The following TMC4 variants were observed in gnomAD, a reference collection of about 807,000 sequenced individuals.
The protein encoded by TMC4 is voltage-gated chloride channel TMC4.
TMC4 carries 70 observed loss-of-function variants against 82.0 expected under a neutral mutation model. The ratio of observed to expected loss-of-function variants is 0.85; its 90% CI spans 0.70 to 1.04. The LOEUF is 1.04. TMC4 is among the 50% of genes least tolerant of loss of function. The pLI, the probability that TMC4 is intolerant of heterozygous loss-of-function variation, is 0.00. For synonymous variants in TMC4, 446 were observed against 406.0 expected, an observed-to-expected ratio of 1.10 and a Z score of -1.18; for missense variants, 879 against 899.0, an observed-to-expected ratio of 0.98 and a Z score of 0.28.
Position 54,160,474 on chromosome 19 carries a change from C to G in TMC4, c.2045G>C (p.Arg682Thr). Residue 682 changes from arginine to threonine, a missense_variant, in exon 14 of 15, where the codon AGA (arginine) becomes ACA (threonine). Arg to Thr is a moderately conservative substitution (Grantham distance 71). Coordinates refer to ENST00000619895, the MANE Select transcript of TMC4 (RefSeq NM_144686.4). ...GRLISELKRQ[R>T]ETEAQNKVFL... ...GGGACCCGCCTGGCTCACCGTCTCTCTCTGACGTTTGAGCTCAGAGATGAG... is the reference window on the plus strand; with the variant it reads ...GGGACCCGCCTGGCTCACCGTCTCTGTCTGACGTTTGAGCTCAGAGATGAG... The G allele has an allele frequency of 6.2e-7, 1 of 1,614,128 alleles. No homozygotes were observed. Among genetic ancestry groups the G allele is most frequent in the Non-Finnish European group, 8.5e-7 (1 of 1,179,962 alleles).
At position 54,172,168 on chromosome 19, in the gene TMC4, C is replaced by A. The variant is rs376201390; in HGVS notation, c.80-85G>T. The stretch of plus-strand genomic sequence containing the variant: ...CAGACCAGGAAACCAGGTCCCCGGC[C>A]CCTCCTCCCTCAGACCCAGGAGTCC... On this transcript the variant is annotated intron_variant, in intron 1 of 14. Transcript: ENST00000619895. 585 of 1,306,740 alleles carry A rather than the reference C, an allele frequency of 4.5e-4. 5 individuals carry two copies. The African/African-American group carries it at 8.2e-3, about 18-fold the overall frequency. The allele number at this position is 1,306,740 out of a possible 1,614,324, so 80.9% of individuals were successfully genotyped here. A position where few individuals can be genotyped will look rare whatever the true frequency, so the allele number is the denominator to read the frequency against.
chr19:54,170,192 G>A (rs1379886283), intron 2 of TMC4, among the ~76,000 whole-genome samples: 2 of 152,082 alleles, frequency 1.3e-5, no homozygotes, highest in Non-Finnish European at 2.9e-5. Flanking sequence ...TTTGCACAAC[G>A]TTGCAGAGCA....
chr19:54,163,374 G>A lies in TMC4; in HGVS notation c.1278-215C>T, dbSNP rs2075618905. 1.9e-5 allele frequency: 13 copies of A among 671,088 alleles called. No individual in the cohort carries two copies. In the South Asian group the frequency reaches 2.6e-4, roughly 13 times the overall value. The allele number at this position is 671,088 out of a possible 1,614,324, so 41.6% of individuals were successfully genotyped here. A position where few individuals can be genotyped will look rare whatever the true frequency, so the allele number is the denominator to read the frequency against. On this transcript the variant is annotated intron_variant, in intron 8 of 14. Coordinates refer to ENST00000619895, the MANE Select transcript of TMC4 (RefSeq NM_144686.4). Reference sequence around the variant, plus strand: ...CACCCGGACTGGAGTGCAGTGGCGCGATCTCAGCTCACTGCAACCTCCACC... The same window carrying A: ...CACCCGGACTGGAGTGCAGTGGCGCAATCTCAGCTCACTGCAACCTCCACC...
intron 5 of TMC4, among the ~76,000 whole-genome samples, chr19:54,166,323 CAAAAAAAAAAAAA>C (rs58329832): frequency 0.013 from 1,449 of 108,038 alleles, 31 homozygotes; most frequent in African/African-American, 0.047. Flanking sequence ...AGGTCGCCTC[CAAAAAAAAAAAAA>C]AAAAAAAAAA....
At position 54,162,178 on chromosome 19, in the gene TMC4, C is replaced by G. The variant is rs1186503001; in HGVS notation, c.1610G>C (p.Trp537Ser). The G allele has an allele frequency of 6.2e-7, 1 of 1,613,818 alleles. No individual in the cohort carries two copies. Among genetic ancestry groups the G allele is most frequent in the East Asian group, 2.2e-5 (1 of 44,864 alleles). ...LGLIYAQTVVWVGSFFCPLLP... is the reference protein window; with the variant it reads ...LGLIYAQTVVSVGSFFCPLLP... ...TAAAGGGCAGAAAAAACTCCCCACC[C>G]AGACCACCGTCTGCGCGTAGATGAG... Residue 537 changes from tryptophan to serine, a missense_variant, in exon 11 of 15, where the codon TGG becomes TCG. By Grantham distance (177) the Trp-to-Ser change is radical. Transcript: ENST00000619895.
At chr19:54,166,023 G>A (rs1377292159) in intron 5 of TMC4, among the ~76,000 whole-genome samples, 1 of 152,218 alleles carries the variant, frequency 6.6e-6, no homozygotes, top group Admixed American at 6.5e-5. Flanking sequence ...AGAGAAGGGA[G>A]CTGCGGCGGG....
At chr19:54,170,796 C>T (rs940712871) in intron 2 of TMC4, among the ~76,000 whole-genome samples, 3 of 152,028 alleles carry the variant, frequency 2.0e-5, no homozygotes, top group African/African-American at 7.2e-5. Flanking sequence ...CGACACCCAG[C>T]CCTCCAATGC....
Position 54,168,226 on chromosome 19 carries a change from A to C in TMC4, c.742T>G (p.Tyr248Asp), listed in dbSNP as rs755555480. The change falls in exon 5 of 15, where the codon TAC (tyrosine) becomes GAC (aspartate). Residue 248 changes from tyrosine to aspartate, a missense_variant. Tyr to Asp is a radical substitution (Grantham distance 160, BLOSUM62 -3). Transcript: ENST00000619895. ...CCAACGGCAAAGGCCCAGCACAGGT[A>C]GGTGACCGCCAGGCGTGGGCGGGGC... ...YPPRPRLAVT[Y>D]LCWAFAVGLI... The C allele has an allele frequency of 4.4e-6, 7 of 1,589,358 alleles. No individual in the cohort carries two copies. In the South Asian group the frequency reaches 8.0e-5, roughly 18 times the overall value.
At chr19:54,168,765 G>A (rs958221083) in intron 3 of TMC4, 85 bp from the exon 4 acceptor site, 1 of 617,214 alleles carries the variant, frequency 1.6e-6, no homozygotes, top group Non-Finnish European at 2.4e-6. Flanking sequence ...GTCCAGCCGC[G>A]CCTTCCTTTC....
In TMC4 at chr19:54,165,586, A is replaced by T; in HGVS notation, c.798-20T>A. On this transcript the variant is annotated intron_variant, in intron 5 of 14. Coordinates refer to ENST00000619895, the MANE Select transcript of TMC4 (RefSeq NM_144686.4). ...ACCGAGCTGAGAGGGGAGACCCGGG[A>T]GACGGGAAGTGAAAGGACAGCCAGG... The T allele has an allele frequency of 6.3e-7, 1 of 1,589,282 alleles. No homozygotes were observed. The highest frequency in any genetic ancestry group is 8.6e-7 in the Non-Finnish European group (1 of 1,162,964).
At position 54,165,407 on chromosome 19, in the gene TMC4, C is replaced by G; in HGVS notation, c.945+12G>C. On this transcript the variant is annotated intron_variant, in intron 6 of 14. Transcript: ENST00000619895. ...TCCCTACCCAGTTGCAGACCCCGCT[C>G]CCTAATCGCACCTTTAATTCGTACA... is the stretch of plus-strand genomic sequence containing the variant. The G allele has an allele frequency of 6.3e-7, 1 of 1,588,512 alleles. No individual in the cohort carries two copies. The highest frequency in any genetic ancestry group is 8.6e-7 in the Non-Finnish European group (1 of 1,161,058).
In TMC4 at chr19:54,164,439, G is replaced by T. The variant is rs754450395; in HGVS notation, c.1108C>A (p.Leu370Met). The T allele has an allele frequency of 4.3e-6, 7 of 1,610,614 alleles. No individual in the cohort carries two copies. Among genetic ancestry groups the T allele is most frequent in the Non-Finnish European group, 4.2e-6 (5 of 1,177,768 alleles). Residue 370 changes from leucine to methionine, a missense_variant, in exon 7 of 15, where the codon CTG becomes ATG. Transcript: ENST00000619895. ...TCTTCCAAGACCGTCCGCACCTGCA[G>T]CTCCACGGTGCACCCCGTAGCCCAG... is the stretch of plus-strand genomic sequence containing the variant. ...VYWATGCTVELQEMPLVQELP... is the reference protein window; with the variant it reads ...VYWATGCTVEMQEMPLVQELP...
intron 10 of TMC4, 28 bp downstream of exon 10, chr19:54,162,645 G>A: frequency 1.3e-6 from 2 of 1,564,152 alleles, no homozygotes; most frequent in Non-Finnish European, 1.8e-6. Context: ...TAGAGGGGCG[G>A]GGCCACAGCA....
Position 54,172,960 on chromosome 19 carries a change from C to A in TMC4, c.79+79G>T, listed in dbSNP as rs1169913842. ...TAGCCCTCAGACTCAGGAGGCCAGG[C>A]CTCCCCTTTCCTCCTCCAGCAGGAC... On this transcript the variant is annotated intron_variant, in intron 1 of 14. Coordinates refer to ENST00000619895, the MANE Select transcript of TMC4 (RefSeq NM_144686.4). The A allele has an allele frequency of 2.0e-5, 25 of 1,267,548 alleles. No homozygotes were observed. The East Asian group carries it at 5.2e-4, about 27-fold the overall frequency. 78.5% of individuals were successfully genotyped at this position (1,267,548 alleles called of 1,614,324 possible).
intron 5 of TMC4, 53 bp from the exon 6 acceptor site, chr19:54,165,619 G>A: frequency 2.6e-6 from 4 of 1,559,208 alleles, no homozygotes; most frequent in Non-Finnish European, 3.5e-6. Context: ...AGGAACGGGG[G>A]TTATGGGGAG....
At chr19:54,166,145 G>C (rs771533798) in intron 5 of TMC4, among the ~76,000 whole-genome samples, 1 of 151,928 alleles carries the variant, frequency 6.6e-6, no homozygotes, top group African/African-American at 2.4e-5. Context: ...TTGGGAGGCC[G>C]AGGGGGGAGG....
In TMC4 at chr19:54,160,170, G is replaced by C; in HGVS notation, c.*136C>G. ...TCACCCGAGAGTCAGGGACGTGGCG[G>C]CGAGGGGCCCTGGAAATCTCCAGAT... On this transcript the variant is annotated 3_prime_UTR_variant, in exon 15 of 15. Transcript: ENST00000619895. 1 of 961,896 alleles carries C rather than the reference G, an allele frequency of 1.0e-6. No homozygotes were observed. Among genetic ancestry groups the C allele is most frequent in the Non-Finnish European group, 1.5e-6 (1 of 670,806 alleles). 59.6% of individuals were successfully genotyped at this position (961,896 alleles called of 1,614,324 possible). A position where few individuals can be genotyped will look rare whatever the true frequency, so the allele number is the denominator to read the frequency against.
In TMC4 at chr19:54,172,985, C is replaced by G. The variant is rs917187755; in HGVS notation, c.79+54G>C. The G allele has an allele frequency of 2.0e-6, 3 of 1,521,958 alleles. No individual in the cohort carries two copies. The African/African-American group carries it at 4.1e-5, about 21-fold the overall frequency. 94.3% of individuals were successfully genotyped at this position (1,521,958 alleles called of 1,614,324 possible). Reference sequence around the variant, plus strand: ...CCTCCCCTTTCCTCCTCCAGCAGGACTCCCACCTAGCCTGAAGGTCGGATG... The same window carrying G: ...CCTCCCCTTTCCTCCTCCAGCAGGAGTCCCACCTAGCCTGAAGGTCGGATG... On this transcript the variant is annotated intron_variant, in intron 1 of 14. Transcript: ENST00000619895.
chr19:54,160,971 G>A lies in TMC4; in HGVS notation c.1880C>T (p.Pro627Leu), dbSNP rs373849503. ...RGQSSIWAQI[P>L]ESISSLPETT... ...CTCAGGGAGGCTGGAAATAGACTCA[G>A]GGATCTGGGCCCAGATGGACGACTG... Residue 627 changes from proline (P) to leucine (L), a missense_variant, in exon 13 of 15, where the codon CCT becomes CTT. Coordinates refer to ENST00000619895, the MANE Select transcript of TMC4 (RefSeq NM_144686.4). 4.7e-5 allele frequency: 76 copies of A among 1,614,092 alleles called. No individual in the cohort carries two copies. Among genetic ancestry groups the A allele is most frequent in the Non-Finnish European group, 5.8e-5 (69 of 1,180,048 alleles).
Sources: gnomAD v4.1 joint callset for allele counts (sites outside exome capture counted in the v4.1 genomes callset) on GRCh38, gnomAD v4.1.1 for gene constraint, MANE v1.5 for transcripts, NCBI Gene and HGNC (gene_info 2026-07-23, HGNC 2026-07-21) for gene names.